The following WIF1 variants were observed in gnomAD, a reference collection of about 807,000 sequenced individuals.
The protein encoded by WIF1 is Wnt inhibitory factor 1.
A neutral mutation model predicts 53.5 loss-of-function variants in WIF1; 35 were observed. That is an observed-to-expected ratio of 0.65 (90% confidence interval 0.50 to 0.87). WIF1 has a LOEUF of 0.87. Ranked by LOEUF, WIF1 falls within the 40% of genes least tolerant of loss-of-function variation. The probability of loss-of-function intolerance (pLI) is 0.00; values close to 1 mark genes in which losing one functional copy is unlikely to be tolerated. For missense variants in WIF1, 467 were observed against 476.8 expected, an observed-to-expected ratio of 0.98 and a Z score of 0.19; for synonymous variants, 171 against 170.4, an observed-to-expected ratio of 1.00 and a Z score of -0.03.
rs1882427890 is a variant in WIF1, at chr12:65,050,803, T to C, written c.*546A>G. 1.0e-5 allele frequency: 2 copies of C among 198,206 alleles called. No homozygotes were observed. Among genetic ancestry groups the C allele is most frequent in the Non-Finnish European group, 2.1e-5 (2 of 96,618 alleles). The allele number at this position is 198,206 out of a possible 1,614,324, so 12.3% of individuals were successfully genotyped here. ...ATATATTATATTGTTTAAATGCCAC[T>C]ACCACAGTGTAATTTTTTTTTTTTT... is the stretch of plus-strand genomic sequence containing the variant. On this transcript the variant is annotated 3_prime_UTR_variant, in exon 10 of 10. Coordinates refer to ENST00000286574, the MANE Select transcript of WIF1 (RefSeq NM_007191.5).
intron 2 of WIF1, among the ~76,000 whole-genome samples, chr12:65,096,576 T>C (rs574296904): frequency 2.0e-5 from 3 of 152,352 alleles, no homozygotes; most frequent in South Asian, 2.1e-4. Context: ...CATATGTTTA[T>C]TGCAGCACTA....
chr12:65,119,763 A>G (rs906769209), intron 2 of WIF1, among the ~76,000 whole-genome samples: 1 of 152,202 alleles, frequency 6.6e-6, no homozygotes, highest in African/African-American at 2.4e-5. Context: ...AAAAATGTAC[A>G]AAAGGTAACA....
At chr12:65,086,417 A>G (rs1468869684) in intron 2 of WIF1, among the ~76,000 whole-genome samples, 2 of 152,118 alleles carry the variant, frequency 1.3e-5, no homozygotes, top group Non-Finnish European at 2.9e-5. Context: ...TTAGGCAACT[A>G]TGGTGGGGTA....
At chr12:65,116,912 G>A (rs556758703) in intron 2 of WIF1, among the ~76,000 whole-genome samples, 91 of 117,036 alleles carry the variant, frequency 7.8e-4, no homozygotes, top group Admixed American at 2.3e-3. Context: ...CAGCCTGGGC[G>A]ACAGAGTGAG....
At chr12:65,114,771 A>G (rs1428899616) in intron 2 of WIF1, among the ~76,000 whole-genome samples, 1 of 152,220 alleles carries the variant, frequency 6.6e-6, no homozygotes, top group Non-Finnish European at 1.5e-5. Flanking sequence ...ATTGTACGGT[A>G]TATACATGAC....
At chr12:65,074,675 A>G (rs1345813861) in intron 3 of WIF1, among the ~76,000 whole-genome samples, 4 of 151,790 alleles carry the variant, frequency 2.6e-5, no homozygotes, top group Non-Finnish European at 4.4e-5. Flanking sequence ...AAAATCAGCC[A>G]GGCATGGTGG....
At chr12:65,115,082 C>A (rs1406577180) in intron 2 of WIF1, among the ~76,000 whole-genome samples, 1 of 151,292 alleles carries the variant, frequency 6.6e-6, no homozygotes, top group East Asian at 2.0e-4. Flanking sequence ...TTCACCCCAA[C>A]CCTTGCCATC....
intron 2 of WIF1, among the ~76,000 whole-genome samples, chr12:65,080,819 A>G (rs971432210): frequency 1.3e-5 from 2 of 152,214 alleles, no homozygotes; most frequent in Non-Finnish European, 2.9e-5. Flanking sequence ...TGAAATTAAA[A>G]GGTCAAATAC....
chr12:65,093,179 T>A (rs1225285617), intron 2 of WIF1, among the ~76,000 whole-genome samples: 1 of 152,122 alleles, frequency 6.6e-6, no homozygotes, highest in Non-Finnish European at 1.5e-5. Context: ...TGAGCATCCA[T>A]CCAAAGACCT....
intron 2 of WIF1, among the ~76,000 whole-genome samples, chr12:65,099,398 G>A (rs748898277): frequency 3.9e-5 from 6 of 152,134 alleles, no homozygotes; most frequent in Non-Finnish European, 5.9e-5. Context: ...AATAAGCCAC[G>A]TGATGCTCCT....
intron 2 of WIF1, among the ~76,000 whole-genome samples, chr12:65,092,436 GTA>G (rs556700481): frequency 6.7e-6 from 1 of 149,356 alleles, no homozygotes; most frequent in Admixed American, 6.7e-5. Context: ...ATATATATGT[GTA>G]TATATATATG....
rs375739858 is a variant in WIF1, at chr12:65,107,825, G to A, written c.288+12592C>T. On this transcript the variant is annotated intron_variant, in intron 2 of 9. Transcript: ENST00000286574. ...AGTTTCCTCAAGAGTTGTTCTAGAT[G>A]TTTCATTTGGAAGAACTGACTTGCT... Among the ~76,000 whole-genome samples the A allele has an allele frequency of 3.3e-5, 5 of 152,136 alleles. No homozygotes were observed. The East Asian group carries it at 5.8e-4, about 18-fold the overall frequency.
At chr12:65,085,118 T>A in intron 2 of WIF1, among the ~76,000 whole-genome samples, 1 of 152,150 alleles carries the variant, frequency 6.6e-6, no homozygotes, top group South Asian at 2.1e-4. Flanking sequence ...CCCTCTTGGG[T>A]TCCAGTCACT....
intron 9 of WIF1, among the ~76,000 whole-genome samples, chr12:65,051,928 T>G (rs1023479188): frequency 6.6e-6 from 1 of 152,242 alleles, no homozygotes; most frequent in African/African-American, 2.4e-5. Context: ...ACTATTGCAC[T>G]TATAAGACAG....
intron 3 of WIF1, among the ~76,000 whole-genome samples, chr12:65,071,365 C>T (rs968884663): frequency 7.9e-5 from 12 of 151,892 alleles, no homozygotes; most frequent in Non-Finnish European, 1.3e-4. Context: ...TACGGCTTTC[C>T]ACCATTGCAG....
Position 65,067,781 on chromosome 12 carries a change from G to C in WIF1, c.548C>G (p.Pro183Arg). The C allele has an allele frequency of 1.9e-6, 3 of 1,613,058 alleles. No homozygotes were observed. The highest frequency in any genetic ancestry group is 2.5e-6 in the Non-Finnish European group (3 of 1,179,308). The change falls in exon 5 of 10, where the codon CCA (proline) becomes CGA (arginine). Residue 183 changes from proline to arginine, a missense_variant. Physicochemically the swap from Pro to Arg is moderately radical, Grantham distance 103. Transcript: ENST00000286574. ...AAAGCCTCCATTTCGGCACCCGCCT[G>C]GGCACTCAGCTTCAGCAGAGAGAAA... Reference protein sequence around the residue: ...FFKTCQQAECPGGCRNGGFCN... With the variant: ...FFKTCQQAECRGGCRNGGFCN...
chr12:65,103,322 A>T (rs1172581919), intron 2 of WIF1, among the ~76,000 whole-genome samples: 1 of 152,234 alleles, frequency 6.6e-6, no homozygotes, highest in Non-Finnish European at 1.5e-5. Context: ...AAATGAAAGC[A>T]TGTTTTAAAT....
chr12:65,079,696 A>G (rs1168770425), intron 2 of WIF1, among the ~76,000 whole-genome samples: 1 of 152,026 alleles, frequency 6.6e-6, no homozygotes, highest in Non-Finnish European at 1.5e-5. Flanking sequence ...AATAAAGAAC[A>G]ATCAATAAAT....
At chr12:65,100,180 GTT>G (rs1444064030) in intron 2 of WIF1, among the ~76,000 whole-genome samples, 2 of 152,116 alleles carry the variant, frequency 1.3e-5, no homozygotes, top group African/African-American at 4.8e-5. Flanking sequence ...TTACCTACTA[GTT>G]TTGTATTTGT....
Sources: gnomAD v4.1 joint callset for allele counts (sites outside exome capture counted in the v4.1 genomes callset) on GRCh38, gnomAD v4.1.1 for gene constraint, MANE v1.5 for transcripts, NCBI Gene and HGNC (gene_info 2026-07-23, HGNC 2026-07-21) for gene names.